Variants in COL28A1 observed in about 807,000 individuals in gnomAD.
The protein encoded by COL28A1 is collagen type XXVIII alpha 1 chain.
COL28A1 carries 161 observed loss-of-function variants against 150.2 expected under a neutral mutation model. That is an observed-to-expected ratio of 1.07 (90% CI 0.94 to 1.22). The LOEUF (loss-of-function observed/expected upper bound fraction) is 1.22. COL28A1 is among the 50% of genes most tolerant of loss of function. The pLI, the probability that COL28A1 is intolerant of heterozygous loss-of-function variation, is 0.00. For synonymous variants in COL28A1, 552 were observed against 469.7 expected (o/e 1.18, Z -2.26); for missense variants, 1,617 against 1,388.3 (o/e 1.16, Z -2.62).
At position 7,370,878 on chromosome 7, in the gene COL28A1, G is replaced by A. The variant is rs778411178; in HGVS notation, c.2913C>T (p.Thr971=). The change falls in exon 33 of 35, where the codon ACC becomes ACT. Residue 971 remains threonine (T), a synonymous_variant. Coordinates refer to ENST00000399429, the MANE Select transcript of COL28A1 (RefSeq NM_001037763.3). The stretch of plus-strand genomic sequence containing the variant: ...TTTTTTGAAACAATTTTTGCTTCAG[G>A]GTGTCTTTTAAAAAAGAAGTAGAAA... ...QFDDFFTLQD[T]LKQKLFQKIC... 1.2e-6 allele frequency: 2 copies of A among 1,604,390 alleles called. No homozygotes were observed. Among genetic ancestry groups the A allele is most frequent in the Admixed American group, 3.4e-5 (2 of 59,478 alleles).
the COL28A1 span, among the ~76,000 whole-genome samples, chr7:7,343,043 GTCCTTTAGTTTCCACTGATTTTATTA>G: frequency 6.6e-6 from 1 of 151,868 alleles, no homozygotes; most frequent in African/African-American, 2.4e-5. Context: ...CTCCTTCACT[GTCCTTTAGTTTCCACTGATTTTATTA>G]AGAAGCCAGT....
chr7:7,425,096 CTTA>C (rs60310756), intron 25 of COL28A1, among the ~76,000 whole-genome samples: 3,069 of 151,944 alleles, frequency 0.02, 93 homozygotes, highest in African/African-American at 0.07. Context: ...AAAAATAATA[CTTA>C]TTAAGTTTAT....
chr7:7,373,085 T>C lies in COL28A1; in HGVS notation c.2821A>G (p.Asn941Asp), dbSNP rs140427575. The C allele has an allele frequency of 1.3e-4, 210 of 1,614,164 alleles. No homozygotes were observed. In the East Asian group the frequency reaches 3.7e-3, roughly 28 times the overall value. Residue 941 changes from asparagine to aspartate, a missense_variant, in exon 32 of 35, where the codon AAC becomes GAC. Transcript: ENST00000399429. The surrounding 1 kb of genome is among the most constrained non-coding windows in gnomAD (Gnocchi z 4.1). The stretch of plus-strand genomic sequence containing the variant: ...ATTTCTTTGTGGAATATTTCAAAGT[T>C]GGGATCATTTTTCTTCACCACCCCT... ...VIGVVKKNDP[N>D]FEIFHKEMNL...
intron 23 of COL28A1, among the ~76,000 whole-genome samples, chr7:7,435,520 C>T (rs911183348): frequency 3.3e-5 from 5 of 152,162 alleles, no homozygotes; most frequent in South Asian, 2.1e-4. Context: ...ACTAGGGCAG[C>T]TGTCACTCTA....
At chr7:7,430,219 C>T (rs575045153) in intron 25 of COL28A1, among the ~76,000 whole-genome samples, 11 of 152,078 alleles carry the variant, frequency 7.2e-5, no homozygotes, top group Non-Finnish European at 1.3e-4. Context: ...CTCCGCCTCC[C>T]GGGTTCAAGC....
chr7:7,487,154 TAA>T (rs55844533), intron 13 of COL28A1, among the ~76,000 whole-genome samples: 2 of 151,500 alleles, frequency 1.3e-5, no homozygotes, highest in Non-Finnish European at 1.5e-5. Flanking sequence ...TTTCATTATT[TAA>T]AAAAAAACAT....
chr7:7,368,634 C>G (rs778835360), intron 33 of COL28A1, among the ~76,000 whole-genome samples: 1 of 151,964 alleles, frequency 6.6e-6, no homozygotes, highest in Admixed American at 6.6e-5. Context: ...GGATCAATAC[C>G]CTTATAAGAA....
At chr7:7,463,793 G>T (rs148167632) in intron 15 of COL28A1, among the ~76,000 whole-genome samples, 1 of 152,114 alleles carries the variant, frequency 6.6e-6, no homozygotes, top group East Asian at 1.9e-4. Context: ...AAATAGCACA[G>T]TGAATGGTAC....
chr7:7,418,207 TG>T (rs1409143640), intron 26 of COL28A1, among the ~76,000 whole-genome samples: 1 of 152,194 alleles, frequency 6.6e-6, no homozygotes, highest in African/African-American at 2.4e-5. Flanking sequence ...CTCATCTGCT[TG>T]GGCCCCCTTC....
intron 18 of COL28A1, among the ~76,000 whole-genome samples, chr7:7,446,126 G>A (rs1786243236): frequency 6.6e-6 from 1 of 151,952 alleles, no homozygotes; most frequent in Non-Finnish European, 1.5e-5. Context: ...CCAAAGTGCT[G>A]GGATTACAGG....
At chr7:7,368,622 T>G (rs1314436681) in intron 33 of COL28A1, among the ~76,000 whole-genome samples, 1 of 152,168 alleles carries the variant, frequency 6.6e-6, no homozygotes, top group Non-Finnish European at 1.5e-5. Flanking sequence ...CCTTTATGAA[T>G]GGGATCAATA....
rs543055772 is a variant in COL28A1 at position 7,454,793 on chromosome 7, A to G, written c.1371+1251T>C. On this transcript the variant is annotated intron_variant, in intron 16 of 34. Transcript: ENST00000399429. ...TAAGCCCCTGCTAAAACCAACAAATAAACTAAAAGGCTTGAGAATGTCGGC... is the reference window on the plus strand; with the variant it reads ...TAAGCCCCTGCTAAAACCAACAAATGAACTAAAAGGCTTGAGAATGTCGGC... Among the ~76,000 whole-genome samples the G allele has an allele frequency of 1.3e-3, 199 of 152,322 alleles. 1 individual carries two copies. Among genetic ancestry groups the G allele is most frequent in the African/African-American group, 4.8e-3 (198 of 41,568 alleles).
At position 7,441,861 on chromosome 7, in the gene COL28A1, C is replaced by G. The variant is rs149079446; in HGVS notation, c.1651-1000G>C. Among the ~76,000 whole-genome samples, 24 of 152,206 alleles carry G rather than the reference C, an allele frequency of 1.6e-4. 1 individual carries two copies. The East Asian group carries it at 4.4e-3, about 28-fold the overall frequency. ...TAGAATCCACAGAGGTTTCCATGGT[C>G]CACACTAATGTAAAGCAGTGGCACC... On this transcript the variant is annotated intron_variant, in intron 20 of 34. Transcript: ENST00000399429.
chr7:7,441,493 C>T (rs1785784301), intron 20 of COL28A1, among the ~76,000 whole-genome samples: 1 of 147,444 alleles, frequency 6.8e-6, no homozygotes, highest in South Asian at 2.2e-4. Context: ...TGCAAGGCGC[C>T]ATATCCAGGG....
intron 18 of COL28A1, among the ~76,000 whole-genome samples, chr7:7,445,960 G>C (rs1352999107): frequency 6.6e-6 from 1 of 151,606 alleles, no homozygotes; most frequent in Non-Finnish European, 1.5e-5. Flanking sequence ...CCGGGTTCAA[G>C]TGATTCTCCT....
intron 27 of COL28A1, among the ~76,000 whole-genome samples, chr7:7,416,375 T>A (rs1158862208): frequency 6.6e-6 from 1 of 152,146 alleles, no homozygotes; most frequent in Non-Finnish European, 1.5e-5. Flanking sequence ...CAGGTGAGAA[T>A]GAGGAAGTAG....
the COL28A1 span, among the ~76,000 whole-genome samples, chr7:7,350,404 C>G: frequency 6.6e-6 from 1 of 152,012 alleles, no homozygotes; most frequent in Admixed American, 6.6e-5. Context: ...TAGACTTGGC[C>G]TCTAATCTTT....
intron 27 of COL28A1, among the ~76,000 whole-genome samples, chr7:7,397,774 G>A (rs1454818469): frequency 2.0e-5 from 3 of 152,112 alleles, no homozygotes; most frequent in Non-Finnish European, 4.4e-5. Flanking sequence ...ATGTTGTACA[G>A]GTACCTTACC....
chr7:7,419,129 C>T lies in COL28A1; in HGVS notation c.2067+756G>A, dbSNP rs772190223. Among the ~76,000 whole-genome samples, 12 of 152,248 alleles carry T rather than the reference C, an allele frequency of 7.9e-5. No individual in the cohort carries two copies. In the South Asian group the frequency reaches 8.3e-4, roughly 11 times the overall value. ...GCTTGCTACTTCTTTACCCTACTTTCGAACAAATCAAAGAAAGTTGTTGAG... is the reference window on the plus strand; with the variant it reads ...GCTTGCTACTTCTTTACCCTACTTTTGAACAAATCAAAGAAAGTTGTTGAG... On this transcript the variant is annotated intron_variant, in intron 26 of 34. Transcript: ENST00000399429.
Sources: allele counts gnomAD v4.1 joint callset (sites outside exome capture counted in the v4.1 genomes callset), GRCh38; gene constraint gnomAD v4.1.1; non-coding constraint Gnocchi (gnomAD v3.1); transcripts MANE v1.5; gene names NCBI Gene and HGNC (gene_info 2026-07-23, HGNC 2026-07-21).